ABHD17B: variants seen among roughly 807,000 people sequenced by gnomAD.
The protein encoded by ABHD17B is abhydrolase domain containing 17B, depalmitoylase, also known as alpha/beta hydrolase domain-containing protein 17B.
A neutral mutation model predicts 26.2 loss-of-function variants in ABHD17B; 9 were observed. That is an observed-to-expected ratio of 0.34 (90% CI 0.21 to 0.60). The LOEUF (loss-of-function observed/expected upper bound fraction) is 0.60. Among genes scored for constraint, ABHD17B ranks in the 20% least tolerant of loss-of-function variants. The pLI, the probability that ABHD17B is intolerant of heterozygous loss-of-function variation, is 0.80. For synonymous variants in ABHD17B, 127 were observed against 122.3 expected (o/e 1.04, Z -0.25); for missense variants, 224 against 352.1 (o/e 0.64, Z 2.91).
intron 1 of ABHD17B, among the ~76,000 whole-genome samples, chr9:71,901,963 A>G (rs558984723): frequency 6.6e-6 from 1 of 151,788 alleles, no homozygotes; most frequent in Non-Finnish European, 1.5e-5. Flanking sequence ...GATTCCCCCT[A>G]CCCTCCTTGG....
chr9:71,905,663 T>C (rs1046562752), intron 1 of ABHD17B, among the ~76,000 whole-genome samples: 1 of 152,152 alleles, frequency 6.6e-6, no homozygotes, highest in African/African-American at 2.4e-5. Context: ...AGCTTTTGGC[T>C]ACTATAATGA....
At chr9:71,900,416 G>C (rs766506095) in intron 1 of ABHD17B, among the ~76,000 whole-genome samples, 1 of 152,116 alleles carries the variant, frequency 6.6e-6, no homozygotes, top group Admixed American at 6.5e-5. Flanking sequence ...TGTAATCCCA[G>C]CACTTTGGGA....
chr9:71,894,600 T>G (rs1233079908), intron 1 of ABHD17B, among the ~76,000 whole-genome samples: 1 of 152,212 alleles, frequency 6.6e-6, no homozygotes, highest in Non-Finnish European at 1.5e-5. Flanking sequence ...AAAAGCTACC[T>G]TCTAAAAGCA....
In ABHD17B at chr9:71,865,802, A is replaced by C. The variant is rs1825941387; in HGVS notation, c.*985T>G. The stretch of plus-strand genomic sequence containing the variant: ...CTTGATCCCGGGAGGCAGAGGTTGC[A>C]GTGAATCAAGATCGCGCCACTGCAC... On this transcript the variant is annotated 3_prime_UTR_variant, in exon 4 of 4. Transcript: ENST00000333421. 1 of 824,048 alleles carries C rather than the reference A, an allele frequency of 1.2e-6. No individual in the cohort carries two copies. Among genetic ancestry groups the C allele is most frequent in the African/African-American group, 1.9e-5 (1 of 53,838 alleles). The allele number at this position is 824,048 out of a possible 1,614,324, so 51.0% of individuals were successfully genotyped here. A position where few individuals can be genotyped will look rare whatever the true frequency, so the allele number is the denominator to read the frequency against.
intron 1 of ABHD17B, among the ~76,000 whole-genome samples, chr9:71,880,255 C>T (rs745836209): frequency 2.0e-5 from 3 of 152,052 alleles, no homozygotes; most frequent in Non-Finnish European, 4.4e-5. Flanking sequence ...TCAACAATTG[C>T]TTTCTGAGGC....
intron 1 of ABHD17B, among the ~76,000 whole-genome samples, chr9:71,907,261 A>G (rs1028182637): frequency 6.6e-6 from 1 of 152,220 alleles, no homozygotes; most frequent in Non-Finnish European, 1.5e-5. Context: ...CTACCTAAAT[A>G]AACATAGATA....
At chr9:71,895,709 T>C (rs943944448) in intron 1 of ABHD17B, among the ~76,000 whole-genome samples, 4 of 152,206 alleles carry the variant, frequency 2.6e-5, no homozygotes, top group African/African-American at 7.2e-5. Context: ...TGTCTCAGGA[T>C]AACATTATAC....
chr9:71,881,632 A>T (rs1826442433), intron 1 of ABHD17B, among the ~76,000 whole-genome samples: 1 of 152,240 alleles, frequency 6.6e-6, no homozygotes. Flanking sequence ...TCAAGCCTGT[A>T]ATCCCAGCAC....
chr9:71,906,153 G>GA lies in ABHD17B; in HGVS notation c.-4+4480dup, dbSNP rs534565112. ...CATTCATAGAGGGGAACAGAAAGAG[G>GA]AAAAAAAACCCACTAATGTCAGATA... is the stretch of plus-strand genomic sequence containing the variant. On this transcript the variant is annotated intron_variant, in intron 1 of 3. Transcript: ENST00000333421. Among the ~76,000 whole-genome samples, 223 of 151,696 alleles carry GA rather than the reference G, an allele frequency of 1.5e-3. 2 individuals are homozygous for GA. The highest frequency in any genetic ancestry group is 3.4e-3 in the Middle Eastern group (1 of 292).
chr9:71,881,201 A>G (rs1322271687), intron 1 of ABHD17B, among the ~76,000 whole-genome samples: 2 of 152,258 alleles, frequency 1.3e-5, no homozygotes, highest in Non-Finnish European at 2.9e-5. Context: ...ATTTATGGTC[A>G]GTTGATTTTT....
chr9:71,894,961 T>TA (rs367677461), intron 1 of ABHD17B, among the ~76,000 whole-genome samples: 1 of 152,332 alleles, frequency 6.6e-6, no homozygotes, highest in East Asian at 1.9e-4. Flanking sequence ...TGCACATACT[T>TA]AAATTCAAGT....
downstream of ABHD17B, among the ~76,000 whole-genome samples, chr9:71,863,125 C>A (rs1299691989): frequency 2.0e-5 from 3 of 152,068 alleles, no homozygotes; most frequent in African/African-American, 7.2e-5. Context: ...CTTCATCATT[C>A]TTTTTTGTAC....
intron 1 of ABHD17B, among the ~76,000 whole-genome samples, chr9:71,880,820 G>A (rs2132154424): frequency 6.6e-6 from 1 of 151,998 alleles, no homozygotes; most frequent in East Asian, 1.9e-4. Flanking sequence ...ATAGCATTGA[G>A]AATGTCAACT....
At chr9:71,877,655 T>G (rs749157110) in intron 1 of ABHD17B, among the ~76,000 whole-genome samples, 3 of 152,200 alleles carry the variant, frequency 2.0e-5, no homozygotes, top group Non-Finnish European at 2.9e-5. Flanking sequence ...TGACCTCAAA[T>G]GATCTGCCTG....
chr9:71,882,257 A>G (rs1826465856), intron 1 of ABHD17B, among the ~76,000 whole-genome samples: 1 of 152,272 alleles, frequency 6.6e-6, no homozygotes, highest in Non-Finnish European at 1.5e-5. Context: ...CTCAAGAGAA[A>G]GCAAAACCCA....
chr9:71,875,800 C>T lies in ABHD17B; in HGVS notation c.-3-717G>A, dbSNP rs148251868. Among the ~76,000 whole-genome samples, 12 of 152,298 alleles carry T rather than the reference C, an allele frequency of 7.9e-5. No individual in the cohort carries two copies. In the East Asian group the frequency reaches 2.1e-3, roughly 27 times the overall value. ...CTAGGAATTTAGCATAAAGTGAATA[C>T]ATACTAATAGCATTTATGAAGCTAT... On this transcript the variant is annotated intron_variant, in intron 1 of 3. Transcript: ENST00000333421.
chr9:71,891,015 A>C (rs1826764166), intron 1 of ABHD17B, among the ~76,000 whole-genome samples: 1 of 152,112 alleles, frequency 6.6e-6, no homozygotes, highest in Non-Finnish European at 1.5e-5. Flanking sequence ...TTGCTGTACT[A>C]CAACTCCCAA....
intron 1 of ABHD17B, among the ~76,000 whole-genome samples, chr9:71,884,362 G>A (rs1436176868): frequency 6.6e-6 from 1 of 152,146 alleles, no homozygotes; most frequent in Non-Finnish European, 1.5e-5. Context: ...CAGGGCCTGA[G>A]ATGCAATATA....
downstream of ABHD17B, among the ~76,000 whole-genome samples, chr9:71,863,756 G>A (rs558586328): frequency 5.7e-4 from 87 of 152,208 alleles, no homozygotes; most frequent in South Asian, 1.0e-3. Context: ...ACCCAGTCCT[G>A]CTCTGAGAGC....
Sources: allele counts gnomAD v4.1 joint callset (sites outside exome capture counted in the v4.1 genomes callset), GRCh38; gene constraint gnomAD v4.1.1; transcripts MANE v1.5; gene names NCBI Gene and HGNC (gene_info 2026-07-23, HGNC 2026-07-21).